The following GPC5 variants were observed in gnomAD, a reference collection of about 807,000 sequenced individuals.
GPC5 encodes glypican-5.
Under a neutral mutation model 53.9 loss-of-function variants are expected in GPC5, and 47 were observed. The ratio of observed to expected loss-of-function variants is 0.87; its 90% confidence interval spans 0.69 to 1.11. The LOEUF (loss-of-function observed/expected upper bound fraction) is 1.11, where lower values mean the gene tolerates loss of function less well. Among genes scored for constraint, GPC5 ranks in the 50% most tolerant of loss-of-function variants. The pLI is 0.00. For synonymous variants in GPC5, 286 were observed against 263.3 expected (o/e 1.09, Z -0.84); for missense variants, 748 against 713.1 (o/e 1.05, Z -0.56).
chr13:91,455,531 C>G lies in GPC5; in HGVS notation c.325+6609C>G, dbSNP rs76934952. Among the ~76,000 whole-genome samples the G allele has an allele frequency of 9.2e-3, 1,404 of 152,252 alleles. 28 individuals carry two copies. Among genetic ancestry groups the G allele is most frequent in the South Asian group, 0.079 (383 of 4,824 alleles). On this transcript the variant is annotated intron_variant, in intron 2 of 7. Transcript: ENST00000377067. ...TTCCCTTATGAATAAATCATACCAACATGTGTACACACTTAGAGGATGTAT... is the reference window on the plus strand; with the variant it reads ...TTCCCTTATGAATAAATCATACCAAGATGTGTACACACTTAGAGGATGTAT...
chr13:92,726,196 C>T (rs966706849), intron 7 of GPC5, among the ~76,000 whole-genome samples: 1 of 151,424 alleles, frequency 6.6e-6, no homozygotes, highest in Non-Finnish European at 1.5e-5. Flanking sequence ...CTTGGTATCC[C>T]ACATGTTTAG....
intron 6 of GPC5, among the ~76,000 whole-genome samples, chr13:92,072,512 A>G (rs1475437191): frequency 6.7e-6 from 1 of 149,102 alleles, no homozygotes; most frequent in East Asian, 2.0e-4. Flanking sequence ...TGATCCACCT[A>G]CTTCAGCCTC....
chr13:91,816,898 A>T (rs2038408439), intron 5 of GPC5, among the ~76,000 whole-genome samples: 1 of 152,212 alleles, frequency 6.6e-6, no homozygotes, highest in African/African-American at 2.4e-5. Context: ...GGTATGGCTC[A>T]GTTAAAACTT....
chr13:92,398,450 A>G (rs1241579481), intron 7 of GPC5, among the ~76,000 whole-genome samples: 2 of 148,946 alleles, frequency 1.3e-5, no homozygotes, highest in African/African-American at 5.0e-5. Context: ...AAAAAAAAAA[A>G]TTATTCCACT....
chr13:92,457,475 G>A (rs1248248607), intron 7 of GPC5, among the ~76,000 whole-genome samples: 7 of 152,066 alleles, frequency 4.6e-5, no homozygotes, highest in Non-Finnish European at 8.8e-5. Flanking sequence ...GTCCACTGAA[G>A]GGCAAAATTG....
At chr13:92,729,794 T>C (rs1329234660) in intron 7 of GPC5, among the ~76,000 whole-genome samples, 1 of 150,450 alleles carries the variant, frequency 6.6e-6, no homozygotes, top group Non-Finnish European at 1.5e-5. Context: ...AATTTTTTTT[T>C]ACCACAAATC....
chr13:91,583,615 G>T (rs1000859961), intron 2 of GPC5, among the ~76,000 whole-genome samples: 10 of 137,554 alleles, frequency 7.3e-5, no homozygotes, highest in African/African-American at 2.4e-4. Flanking sequence ...GGTTTTTTTT[G>T]TTAGAAACTG....
At chr13:91,429,302 T>C (rs1399323320) in intron 1 of GPC5, among the ~76,000 whole-genome samples, 1 of 152,170 alleles carries the variant, frequency 6.6e-6, no homozygotes, top group Non-Finnish European at 1.5e-5. Flanking sequence ...TTTTTTTTCA[T>C]GCTTTTTTTG....
rs764102307 is a variant in GPC5 at position 91,841,392 on chromosome 13, C to T, written c.1281-66545C>T. On this transcript the variant is annotated intron_variant, in intron 5 of 7. Transcript: ENST00000377067. ...GATAAAGAAAAATATCTTAGGCCAG[C>T]AAAGAGGTCTTTTGGGTTCGAGGTA... Among the ~76,000 whole-genome samples, 9 of 150,028 alleles carry T rather than the reference C, an allele frequency of 6.0e-5. No homozygotes were observed. The South Asian group carries it at 1.9e-3, about 32-fold the overall frequency.
intron 7 of GPC5, among the ~76,000 whole-genome samples, chr13:92,194,193 AAAAC>A (rs1413827096): frequency 6.6e-6 from 1 of 152,202 alleles, no homozygotes; most frequent in Non-Finnish European, 1.5e-5. Flanking sequence ...TTTTACAACT[AAAAC>A]AAAACACAAG....
intron 7 of GPC5, among the ~76,000 whole-genome samples, chr13:92,811,578 G>T (rs1355035782): frequency 2.0e-5 from 3 of 151,658 alleles, no homozygotes; most frequent in Non-Finnish European, 4.4e-5. Flanking sequence ...TGCCTTTTTA[G>T]TTTCTTAATA....
chr13:92,791,335 T>C (rs902044062), intron 7 of GPC5, among the ~76,000 whole-genome samples: 1 of 151,022 alleles, frequency 6.6e-6, no homozygotes, highest in Non-Finnish European at 1.5e-5. Flanking sequence ...TGCCAAGAGG[T>C]ATTGACACAC....
chr13:91,538,815 C>T (rs1443930601), intron 2 of GPC5, among the ~76,000 whole-genome samples: 3 of 150,040 alleles, frequency 2.0e-5, no homozygotes, highest in African/African-American at 7.4e-5. Context: ...ATCTCCTGAC[C>T]TCATGGTCCA....
chr13:91,756,870 G>A (rs1346141287), intron 5 of GPC5, among the ~76,000 whole-genome samples: 2 of 151,950 alleles, frequency 1.3e-5, no homozygotes, highest in African/African-American at 4.8e-5. Flanking sequence ...ACAATGGTCT[G>A]ATAGAAAGAG....
At chr13:91,595,034 ATTTATTTC>A (rs1440456488) in intron 2 of GPC5, among the ~76,000 whole-genome samples, 2 of 124,216 alleles carry the variant, frequency 1.6e-5, no homozygotes, top group East Asian at 2.3e-4. Context: ...TTATTTATTT[ATTTATTTC>A]TAGACGGAGA....
At chr13:91,530,258 AG>A (rs1886282582) in intron 2 of GPC5, among the ~76,000 whole-genome samples, 1 of 152,160 alleles carries the variant, frequency 6.6e-6, no homozygotes, top group African/African-American at 2.4e-5. Flanking sequence ...ATCCCTGGAG[AG>A]TGGTTTGCCA....
At chr13:91,838,397 C>T (rs1380576278) in intron 5 of GPC5, among the ~76,000 whole-genome samples, 1 of 152,136 alleles carries the variant, frequency 6.6e-6, no homozygotes, top group African/African-American at 2.4e-5. Context: ...TCATAACACC[C>T]CTACAGAAGA....
At chr13:92,230,811 A>G (rs2042524578) in intron 7 of GPC5, among the ~76,000 whole-genome samples, 1 of 152,212 alleles carries the variant, frequency 6.6e-6, no homozygotes, top group African/African-American at 2.4e-5. Flanking sequence ...CACATAGCAG[A>G]TTCTCAAAAT....
At chr13:91,747,658 C>G (rs1285441489) in intron 4 of GPC5, among the ~76,000 whole-genome samples, 1 of 147,584 alleles carries the variant, frequency 6.8e-6, no homozygotes, top group East Asian at 2.0e-4. Flanking sequence ...TTTTTCTAAT[C>G]TAACAATCTA....
Sources: allele counts gnomAD v4.1 joint callset (sites outside exome capture counted in the v4.1 genomes callset), GRCh38; gene constraint gnomAD v4.1.1; transcripts MANE v1.5; gene names NCBI Gene and HGNC (gene_info 2026-07-23, HGNC 2026-07-21).